Variants in SV2B observed in about 807,000 individuals in gnomAD.
SV2B encodes synaptic vesicle glycoprotein 2B.
In SV2B, 41 loss-of-function variants were observed where a neutral mutation model predicts 73.9. The observed-to-expected ratio is 0.56, with a 90% CI of 0.43 to 0.72. The LOEUF is 0.72. Ranked by LOEUF, SV2B falls within the 30% of genes least tolerant of loss-of-function variation. SV2B has a pLI of 0.00. For synonymous variants in SV2B, 314 were observed against 314.2 expected, an observed-to-expected ratio of 1.00 and a Z score of 0.01; for missense variants, 764 against 857.8, an observed-to-expected ratio of 0.89 and a Z score of 1.37.
intron 1 of SV2B, among the ~76,000 whole-genome samples, chr15:91,190,806 T>A (rs920800699): frequency 1.3e-5 from 2 of 152,108 alleles, no homozygotes; most frequent in African/African-American, 4.8e-5. Flanking sequence ...CTTCTTTATG[T>A]TTTTTAGTGA....
At chr15:91,168,338 A>G (rs933364717) in intron 1 of SV2B, among the ~76,000 whole-genome samples, 1 of 92,444 alleles carries the variant, frequency 1.1e-5, no homozygotes, top group African/African-American at 4.0e-5. Flanking sequence ...GAGAAAAGAA[A>G]TTTCTCACAC....
intron 1 of SV2B, among the ~76,000 whole-genome samples, chr15:91,207,304 T>A (rs573915609): frequency 3.9e-5 from 6 of 152,020 alleles, no homozygotes; most frequent in Non-Finnish European, 7.4e-5. Context: ...ATTACAGGTG[T>A]GAGTCACTGT....
At position 91,302,536 on chromosome 15, in the gene SV2B, G is replaced by A. The variant is rs1178978937; in HGVS notation, c.*9984G>A. 6.6e-6 allele frequency among the ~76,000 whole-genome samples: 1 copy of A among 152,182 alleles called. No homozygotes were observed. The highest frequency in any genetic ancestry group is 6.5e-5 in the Admixed American group (1 of 15,276). On this transcript the variant is annotated 3_prime_UTR_variant, in exon 13 of 13. Coordinates refer to ENST00000394232, the MANE Select transcript of SV2B (RefSeq NM_001323032.3). ...AGAAATCTTGGAGGCCAGGTGCAGT[G>A]GTTCACACCTGTAATCCCAGCATTT...
chr15:91,287,149 A>G (rs543807298), intron 11 of SV2B, among the ~76,000 whole-genome samples: 21 of 152,226 alleles, frequency 1.4e-4, no homozygotes, highest in African/African-American at 4.6e-4. Flanking sequence ...CAGCCCTACC[A>G]CTTCCCAAAG....
rs954464307 is a variant in SV2B at position 91,268,035 on chromosome 15, T to G, written c.1208+392T>G. Among the ~76,000 whole-genome samples the G allele has an allele frequency of 6.6e-6, 1 of 152,202 alleles. No individual in the cohort carries two copies. Among genetic ancestry groups the G allele is most frequent in the Non-Finnish European group, 1.5e-5 (1 of 68,040 alleles). On this transcript the variant is annotated intron_variant, in intron 8 of 12. Transcript: ENST00000394232. The surrounding 1 kb of genome is among the most constrained non-coding windows in gnomAD (Gnocchi z 4.4). ...CCAGGATGGTCTTGAATTCCTGACCTCAAGTGATCTGCCTTCCTTGGCCTC... is the reference window on the plus strand; with the variant it reads ...CCAGGATGGTCTTGAATTCCTGACCGCAAGTGATCTGCCTTCCTTGGCCTC...
intron 1 of SV2B, among the ~76,000 whole-genome samples, chr15:91,202,159 C>G (rs1263884822): frequency 2.6e-5 from 4 of 152,194 alleles, no homozygotes; most frequent in Non-Finnish European, 4.4e-5. Flanking sequence ...CCCGTCGCCT[C>G]TGGTCTTCCC....
chr15:91,122,094 T>C lies in SV2B; in HGVS notation c.-392+21731T>C, dbSNP rs2042355662. On this transcript the variant is annotated intron_variant, in intron 1 of 12. Coordinates refer to ENST00000394232, the MANE Select transcript of SV2B (RefSeq NM_001323032.3). The surrounding 1 kb of genome is among the most constrained non-coding windows in gnomAD (Gnocchi z 4.3). ...CGGCCCAATGGTGTTTTAAAAGTAA[T>C]GCTTGCCTGTTGACTCCAGGAGTCT... 6.6e-6 allele frequency among the ~76,000 whole-genome samples: 1 copy of C among 152,190 alleles called. No homozygotes were observed. Among genetic ancestry groups the C allele is most frequent in the Non-Finnish European group, 1.5e-5 (1 of 68,024 alleles).
At chr15:91,131,566 A>T (rs2042650244) in intron 1 of SV2B, among the ~76,000 whole-genome samples, 1 of 151,798 alleles carries the variant, frequency 6.6e-6, no homozygotes, top group South Asian at 2.1e-4. Context: ...GCACTTTGGG[A>T]GGTAAAGGCA....
At position 91,258,632 on chromosome 15, in the gene SV2B, C is replaced by G. The variant is rs1284561224; in HGVS notation, c.918+78C>G. ...CCAGCCTCGCTTCCTTCTCTCAGCT[C>G]CTAGTCCCACATCCTCTGCTGCTTA... On this transcript the variant is annotated intron_variant, in intron 5 of 12. Transcript: ENST00000394232. This position sits in a 1 kb window ranked among gnomAD's most constrained non-coding sequence, Gnocchi z 4.7. 8.2e-6 allele frequency: 13 copies of G among 1,593,060 alleles called. No individual in the cohort carries two copies. The highest frequency in any genetic ancestry group is 3.4e-5 in the Admixed American group (2 of 58,618).
chr15:91,152,889 T>G (rs941614413), intron 1 of SV2B, among the ~76,000 whole-genome samples: 1 of 152,218 alleles, frequency 6.6e-6, no homozygotes, highest in Non-Finnish European at 1.5e-5. Context: ...ACAAAATACC[T>G]GAGACCGGGC....
chr15:91,165,259 T>C (rs2006849), intron 1 of SV2B, among the ~76,000 whole-genome samples: 51,766 of 151,960 alleles, frequency 0.34, 9,685 homozygotes, highest in East Asian at 0.64. Flanking sequence ...TGAACCCAGG[T>C]GGTAGAGGTT....
intron 1 of SV2B, among the ~76,000 whole-genome samples, chr15:91,177,526 A>C (rs983944164): frequency 2.7e-5 from 4 of 150,116 alleles, no homozygotes; most frequent in Admixed American, 2.6e-4. Context: ...ACCCATGAGC[A>C]TGGAATGTTC....
chr15:91,107,844 C>G (rs559558588), intron 1 of SV2B, among the ~76,000 whole-genome samples: 1 of 152,258 alleles, frequency 6.6e-6, no homozygotes, highest in South Asian at 2.1e-4. Context: ...CTCATGGGCT[C>G]AAGTGATTCT....
chr15:91,154,929 G>A (rs2043436764), intron 1 of SV2B, among the ~76,000 whole-genome samples: 1 of 152,148 alleles, frequency 6.6e-6, no homozygotes, highest in Non-Finnish European at 1.5e-5. Context: ...CTGTGAGCAG[G>A]ATGACTGAGT....
intron 1 of SV2B, among the ~76,000 whole-genome samples, chr15:91,185,229 C>G (rs1482125327): frequency 6.6e-6 from 1 of 152,284 alleles, no homozygotes; most frequent in East Asian, 1.9e-4. Flanking sequence ...GCCACCACAC[C>G]CAGCTAATCC....
chr15:91,132,086 G>A lies in SV2B; in HGVS notation c.-392+31723G>A, dbSNP rs1189694692. On this transcript the variant is annotated intron_variant, in intron 1 of 12. Transcript: ENST00000394232. The surrounding 1 kb of genome is among the most constrained non-coding windows in gnomAD (Gnocchi z 4.6). ...ACAAAGAATGGGACAAAAACGCCCA[G>A]CAAAGCAAAGAAAGAATGAAGCATC... 6.6e-6 allele frequency among the ~76,000 whole-genome samples: 1 copy of A among 152,220 alleles called. No individual in the cohort carries two copies. The highest frequency in any genetic ancestry group is 1.5e-5 in the Non-Finnish European group (1 of 68,046).
intron 1 of SV2B, among the ~76,000 whole-genome samples, chr15:91,104,398 A>T (rs2041820243): frequency 6.6e-6 from 1 of 152,216 alleles, no homozygotes; most frequent in South Asian, 2.1e-4. Context: ...AGAAAGTAAA[A>T]GCTTGTATGG....
chr15:91,244,627 C>T (rs368352377), intron 2 of SV2B, among the ~76,000 whole-genome samples: 93 of 152,194 alleles, frequency 6.1e-4, no homozygotes, highest in African/African-American at 2.1e-3. Flanking sequence ...CCTGATGTTC[C>T]TCCATGATTT....
chr15:91,285,407 A>G (rs1012758486), intron 11 of SV2B, among the ~76,000 whole-genome samples: 1 of 152,224 alleles, frequency 6.6e-6, no homozygotes, highest in Non-Finnish European at 1.5e-5. Flanking sequence ...TGTCCAGCGC[A>G]GTGCCTGCAG....
Sources: gnomAD v4.1 joint callset for allele counts (sites outside exome capture counted in the v4.1 genomes callset) on GRCh38, gnomAD v4.1.1 for gene constraint, Gnocchi (gnomAD v3.1) non-coding constraint, MANE v1.5 for transcripts, NCBI Gene and HGNC (gene_info 2026-07-23, HGNC 2026-07-21) for gene names.